PDS5A: variants seen among roughly 807,000 people sequenced by gnomAD.
PDS5A encodes PDS5 cohesin associated factor A, also known as sister chromatid cohesion protein PDS5 homolog A.
A neutral mutation model predicts 167.1 loss-of-function variants in PDS5A; 42 were observed. The observed-to-expected ratio is 0.25, with a 90% CI of 0.20 to 0.33. The LOEUF (loss-of-function observed/expected upper bound fraction) is 0.33, where lower values mean the gene tolerates loss of function less well. Ranked by LOEUF, PDS5A falls within the 10% of genes least tolerant of loss-of-function variation. The pLI, the probability that PDS5A is intolerant of heterozygous loss-of-function variation, is 1.00. For synonymous variants in PDS5A, 553 were observed against 554.6 expected (o/e 1.00, Z 0.04); for missense variants, 1,033 against 1,605.9 (o/e 0.64, Z 6.10).
intron 21 of PDS5A, among the ~76,000 whole-genome samples, chr4:39,871,945 A>G (rs1476365317): frequency 2.0e-5 from 3 of 152,040 alleles, no homozygotes; most frequent in African/African-American, 7.2e-5. Context: ...ACCTCAGGTG[A>G]TCCACCCACC....
At chr4:39,898,181 G>A (rs377750753) in intron 16 of PDS5A, 3 of 1,254,918 alleles carry the variant, frequency 2.4e-6, no homozygotes, top group East Asian at 3.1e-5. Flanking sequence ...CAATCTCCCT[G>A]GCTTAGTTCT....
chr4:39,899,070 C>T (rs1248631507), intron 14 of PDS5A, among the ~76,000 whole-genome samples: 3 of 152,110 alleles, frequency 2.0e-5, no homozygotes, highest in East Asian at 3.9e-4. Flanking sequence ...ACTTAAAAAC[C>T]CACAAGTATA....
intron 17 of PDS5A, among the ~76,000 whole-genome samples, chr4:39,885,028 C>T (rs1417196483): frequency 2.0e-5 from 3 of 151,778 alleles, no homozygotes; most frequent in South Asian, 2.1e-4. Context: ...TTTGGGAGGC[C>T]GAGGTGGGCA....
At chr4:39,938,105 T>C (rs1052438793) in intron 2 of PDS5A, among the ~76,000 whole-genome samples, 3 of 152,358 alleles carry the variant, frequency 2.0e-5, no homozygotes, top group East Asian at 3.9e-4. Context: ...CCTATTTCTA[T>C]ACCTCACTTT....
chr4:39,894,855 T>C (rs1251427247), intron 16 of PDS5A, among the ~76,000 whole-genome samples: 1 of 152,136 alleles, frequency 6.6e-6, no homozygotes, highest in African/African-American at 2.4e-5. Flanking sequence ...AGGGCCCTTA[T>C]ACAGAGAAAT....
chr4:39,956,665 C>A (rs1050308367), intron 2 of PDS5A, among the ~76,000 whole-genome samples: 2 of 151,326 alleles, frequency 1.3e-5, no homozygotes, highest in East Asian at 3.9e-4. Flanking sequence ...AGAAGAAAGA[C>A]AGATTTTCTT....
intron 30 of PDS5A, among the ~76,000 whole-genome samples, chr4:39,842,903 CTATTTT>C (rs1438743444): frequency 5.8e-4 from 14 of 23,992 alleles, no homozygotes; most frequent in South Asian, 5.1e-3. Context: ...TAAACTTATC[CTATTTT>C]TATATATATA....
At chr4:39,926,297 G>A (rs1037746557) in intron 4 of PDS5A, among the ~76,000 whole-genome samples, 44 of 152,090 alleles carry the variant, frequency 2.9e-4, no homozygotes, top group African/African-American at 9.6e-4. Context: ...CAAGGTGGGC[G>A]GATCACCTGA....
intron 22 of PDS5A, among the ~76,000 whole-genome samples, chr4:39,867,736 ACACACAC>A (rs1244516169): frequency 6.2e-5 from 1 of 16,108 alleles, no homozygotes; most frequent in Admixed American, 6.7e-4. Context: ...AAACCAAAAC[ACACACAC>A]ACACACACAC....
At chr4:39,865,455 G>A (rs1719352571) in intron 23 of PDS5A, among the ~76,000 whole-genome samples, 1 of 152,230 alleles carries the variant, frequency 6.6e-6, no homozygotes, top group Non-Finnish European at 1.5e-5. Context: ...TCAGGAGGCT[G>A]AGGCAGGAGG....
chr4:39,900,347 C>T (rs1240595199), intron 14 of PDS5A, 79 bp downstream of exon 14: 11 of 823,704 alleles, frequency 1.3e-5, no homozygotes, highest in Middle Eastern at 2.3e-4. Context: ...TACTTTTTCC[C>T]TGCTTCATTA....
At chr4:39,843,508 C>T (rs984458757) in intron 30 of PDS5A, among the ~76,000 whole-genome samples, 1 of 151,406 alleles carries the variant, frequency 6.6e-6, no homozygotes, top group African/African-American at 2.4e-5. Context: ...CCAAGGTGGG[C>T]AGAGACTAGC....
At chr4:39,901,971 T>A (rs914100612) in intron 13 of PDS5A, among the ~76,000 whole-genome samples, 1 of 152,174 alleles carries the variant, frequency 6.6e-6, no homozygotes, top group South Asian at 2.1e-4. Context: ...GGACCATTAA[T>A]CATATGGCCA....
At position 39,926,855 on chromosome 4, in the gene PDS5A, A is replaced by G; in HGVS notation, c.349T>C (p.Phe117Leu). 1 of 1,419,118 alleles carries G rather than the reference A, an allele frequency of 7.0e-7. No homozygotes were observed. The highest frequency in any genetic ancestry group is 9.3e-7 in the Non-Finnish European group (1 of 1,077,058). 87.9% of individuals were successfully genotyped at this position (1,419,118 alleles called of 1,614,324 possible). The change falls in exon 4 of 33, where the codon TTT becomes CTT. Residue 117 changes from phenylalanine to leucine, a missense_variant. Phe to Leu is a conservative substitution (Grantham distance 22). Transcript: ENST00000303538. ...YTSHDKLKDI[F>L]LFITRQLKGL... The stretch of plus-strand genomic sequence containing the variant: ...TTTAATTGTCTGGTAATAAACAAAA[A>G]TATGTCCTGTTAAAAAAAAAAACAC...
Position 39,839,049 on chromosome 4 carries a change from T to C in PDS5A, c.3658-841A>G, listed in dbSNP as rs371122708. 1.2e-4 allele frequency among the ~76,000 whole-genome samples: 19 copies of C among 152,150 alleles called. 1 individual carries two copies. In the South Asian group the frequency reaches 3.9e-3, roughly 32 times the overall value. ...CACAAATAGTACTTGAAAAATAAAA[T>C]CTAACTCTCAATGTAACTCAATGTC... On this transcript the variant is annotated intron_variant, in intron 31 of 32. Transcript: ENST00000303538.
chr4:39,908,446 T>C lies in PDS5A; in HGVS notation c.1182A>G (p.Leu394=), dbSNP rs1312564229. ...IITAAKRDLA[L]VNDQLLGFVR... Reference sequence around the variant, plus strand: ...CAAAGCCAAGCAGCTGATCATTTACTAAGGCCAGGTCCCTCTTGGCAGCTG... The same window carrying C: ...CAAAGCCAAGCAGCTGATCATTTACCAAGGCCAGGTCCCTCTTGGCAGCTG... Residue 394 remains leucine (L), a synonymous_variant, in exon 11 of 33, where the codon TTA becomes TTG. Coordinates refer to ENST00000303538, the MANE Select transcript of PDS5A (RefSeq NM_001100399.2). 2 of 1,612,278 alleles carry C rather than the reference T, an allele frequency of 1.2e-6. No homozygotes were observed. The highest frequency in any genetic ancestry group is 2.2e-5 in the South Asian group (2 of 91,030).
At chr4:39,865,831 A>G (rs1007256612) in intron 23 of PDS5A, among the ~76,000 whole-genome samples, 1 of 152,242 alleles carries the variant, frequency 6.6e-6, no homozygotes, top group Non-Finnish European at 1.5e-5. Context: ...TCTGTCCTCT[A>G]AAACAAATTT....
chr4:39,916,890 T>C lies in PDS5A; in HGVS notation c.876+158A>G, dbSNP rs558908309. 1.1e-4 allele frequency among the ~76,000 whole-genome samples: 16 copies of C among 151,882 alleles called. No individual in the cohort carries two copies. In the East Asian group the frequency reaches 2.7e-3, roughly 26 times the overall value. ...TCAAAAAAAGAAAAAAAAAGATAAA[T>C]TGAAGTCACACTTTATTCTTCTACA... is the stretch of plus-strand genomic sequence containing the variant. On this transcript the variant is annotated intron_variant, in intron 8 of 32. Coordinates refer to ENST00000303538, the MANE Select transcript of PDS5A (RefSeq NM_001100399.2).
intron 21 of PDS5A, among the ~76,000 whole-genome samples, chr4:39,871,082 A>G (rs1298773279): frequency 6.6e-6 from 1 of 152,214 alleles, no homozygotes; most frequent in African/African-American, 2.4e-5. Context: ...CAAATATCAT[A>G]TAAGAGATAC....
Sources: allele counts gnomAD v4.1 joint callset (sites outside exome capture counted in the v4.1 genomes callset), GRCh38; gene constraint gnomAD v4.1.1; transcripts MANE v1.5; gene names NCBI Gene and HGNC (gene_info 2026-07-23, HGNC 2026-07-21).